ADAM12: variants seen among roughly 807,000 people sequenced by gnomAD.
ADAM12 encodes the protein disintegrin and metalloproteinase domain-containing protein 12.
ADAM12 carries 70 observed loss-of-function variants against 106.4 expected under a neutral mutation model. That is an observed-to-expected ratio of 0.66 (90% CI 0.54 to 0.80). ADAM12 has a LOEUF of 0.80. ADAM12 is among the 30% of genes least tolerant of loss of function. The pLI is 0.00. For missense variants in ADAM12, 1,010 were observed against 1,171.9 expected (o/e 0.86, Z 2.02); for synonymous variants, 420 against 433.5 (o/e 0.97, Z 0.39).
At chr10:126,041,043 C>G (rs1954155256) in intron 18 of ADAM12, among the ~76,000 whole-genome samples, 1 of 152,166 alleles carries the variant, frequency 6.6e-6, no homozygotes, top group Admixed American at 6.5e-5. Context: ...GTTTCCCTCG[C>G]CCCCTTCAGA....
intron 18 of ADAM12, chr10:126,041,560 C>T: frequency 1.0e-6 from 1 of 985,966 alleles, no homozygotes; most frequent in Non-Finnish European, 1.2e-6. Flanking sequence ...CTACCTTCTT[C>T]TCCAGTTTGT....
chr10:126,288,006 G>A (rs368777523), intron 2 of ADAM12, among the ~76,000 whole-genome samples: 4 of 151,834 alleles, frequency 2.6e-5, no homozygotes, highest in African/African-American at 9.7e-5. Context: ...GATGCAGGAG[G>A]AACACTAACT....
At chr10:126,261,052 G>A (rs1245790146) in intron 3 of ADAM12, among the ~76,000 whole-genome samples, 5 of 152,062 alleles carry the variant, frequency 3.3e-5, no homozygotes, top group African/African-American at 1.2e-4. Context: ...CATTGTATTA[G>A]GTATTATAAG....
chr10:126,188,222 T>A (rs1957433929), intron 3 of ADAM12, among the ~76,000 whole-genome samples: 1 of 152,066 alleles, frequency 6.6e-6, no homozygotes, highest in Non-Finnish European at 1.5e-5. Context: ...GAGAGCAGAG[T>A]CCAAAGCCTC....
At chr10:126,038,062 C>T (rs1054345112) in intron 20 of ADAM12, among the ~76,000 whole-genome samples, 179 bp downstream of exon 20, 19 of 152,298 alleles carry the variant, frequency 1.2e-4, no homozygotes, top group African/African-American at 4.1e-4. Flanking sequence ...ATGGGGGCAC[C>T]GTGGGGCCTC....
intron 4 of ADAM12, among the ~76,000 whole-genome samples, chr10:126,142,302 G>T (rs915896147): frequency 6.6e-6 from 1 of 152,172 alleles, no homozygotes; most frequent in Non-Finnish European, 1.5e-5. Flanking sequence ...ATTTACCCAC[G>T]TATTTACTGA....
At chr10:126,347,083 T>A (rs1855169397) in intron 1 of ADAM12, among the ~76,000 whole-genome samples, 1 of 152,208 alleles carries the variant, frequency 6.6e-6, no homozygotes, top group Admixed American at 6.5e-5. Flanking sequence ...AGCTGCTTAT[T>A]TTGCTCGTTA....
intron 3 of ADAM12, among the ~76,000 whole-genome samples, chr10:126,166,765 G>T (rs964148961): frequency 1.3e-5 from 2 of 152,128 alleles, no homozygotes; most frequent in African/African-American, 2.4e-5. Context: ...CCAAAGGCAT[G>T]AGCCATCATG....
intron 3 of ADAM12, among the ~76,000 whole-genome samples, chr10:126,236,489 C>T (rs1460565551): frequency 6.6e-6 from 1 of 152,166 alleles, no homozygotes; most frequent in Non-Finnish European, 1.5e-5. Context: ...TCTGGAACTC[C>T]AGATAAATCA....
In ADAM12 at chr10:126,117,766, C is replaced by CGGG. The variant is rs397953053; in HGVS notation, c.603+271_603+272insCCC. ...CTTGTGGGGGTAGAAGTTGGGGGGG[C>CGGG]GTAATTTTGTCATCCTTTGATCCCA... On this transcript the variant is annotated intron_variant, in intron 6 of 22. Transcript: ENST00000448723. 2.5e-5 allele frequency among the ~76,000 whole-genome samples: 3 copies of CGGG among 118,098 alleles called. No individual in the cohort carries two copies. The Admixed American group carries it at 2.8e-4, about 11-fold the overall frequency. The allele number at this position is 118,098 out of a possible 152,430, so 77.5% of individuals were successfully genotyped here. A position where few individuals can be genotyped will look rare whatever the true frequency, so the allele number is the denominator to read the frequency against.
chr10:126,112,658 G>C (rs1408399626), intron 6 of ADAM12, among the ~76,000 whole-genome samples: 1 of 152,210 alleles, frequency 6.6e-6, no homozygotes, highest in African/African-American at 2.4e-5. Flanking sequence ...AAAGCAAGTT[G>C]ACATTGGGGC....
intron 3 of ADAM12, among the ~76,000 whole-genome samples, chr10:126,240,466 C>T (rs1958500515): frequency 6.6e-6 from 1 of 152,196 alleles, no homozygotes; most frequent in Admixed American, 6.5e-5. Context: ...AACGAGTAAA[C>T]ACACGACAAG....
rs949784101 is a variant in ADAM12 at position 126,012,735 on chromosome 10, G to A, written c.*4544C>T. 5 of 152,240 alleles carry A rather than the reference G, an allele frequency of 3.3e-5. No homozygotes were observed. Among genetic ancestry groups the A allele is most frequent in the African/African-American group, 7.2e-5 (3 of 41,464 alleles). The allele number at this position is 152,240 out of a possible 1,614,324, so 9.4% of individuals were successfully genotyped here. Reference sequence around the variant, plus strand: ...GACCTGATGGGAGGGACAGGAGAATGAGTCACTCTGCCACCACTTTTCCTG... The same window carrying A: ...GACCTGATGGGAGGGACAGGAGAATAAGTCACTCTGCCACCACTTTTCCTG... On this transcript the variant is annotated 3_prime_UTR_variant, in exon 23 of 23. Transcript: ENST00000448723.
Position 126,087,748 on chromosome 10 carries a change from C to T in ADAM12, c.1145+6237G>A, listed in dbSNP as rs115848542. Among the ~76,000 whole-genome samples the T allele has an allele frequency of 9.2e-3, 1,405 of 152,344 alleles. 31 individuals carry two copies. The highest frequency in any genetic ancestry group is 0.032 in the African/African-American group (1,315 of 41,572). ...CTGATTTTCAGGAAAGCAAGTTCTA[C>T]AGAGTGTGGACTTTCCCGCTACATT... On this transcript the variant is annotated intron_variant, in intron 11 of 22. Transcript: ENST00000448723.
rs55668916 is a variant in ADAM12 at position 126,348,856 on chromosome 10, T to C, written c.89-18347A>G. On this transcript the variant is annotated intron_variant, in intron 1 of 22. Transcript: ENST00000448723. ...AATGAATAATTCTTTAGGATAAATA[T>C]GTCCCATGCAATACTGAGGATATAA... 1.6e-3 allele frequency among the ~76,000 whole-genome samples: 242 copies of C among 152,314 alleles called. 2 individuals carry two copies. Among genetic ancestry groups the C allele is most frequent in the Middle Eastern group, 3.4e-3 (1 of 294 alleles).
At position 126,039,250 on chromosome 10, in the gene ADAM12, G is replaced by T. The variant is rs745718101; in HGVS notation, c.2240+44C>A. ...GCTTGAGCCACCGCACCCAGCCTCT[G>T]AGCCACCATTTCTAGAACAGATGAC... On this transcript the variant is annotated intron_variant, in intron 19 of 22. Transcript: ENST00000448723. 4 of 1,607,432 alleles carry T rather than the reference G, an allele frequency of 2.5e-6. No homozygotes were observed. The East Asian group carries it at 9.0e-5, about 36-fold the overall frequency.
At chr10:126,203,211 T>C (rs968023811) in intron 3 of ADAM12, among the ~76,000 whole-genome samples, 9 of 152,244 alleles carry the variant, frequency 5.9e-5, no homozygotes, top group African/African-American at 2.2e-4. Context: ...GTACATTTTA[T>C]TTAATCTATA....
chr10:126,298,558 T>C (rs527442350), intron 2 of ADAM12, among the ~76,000 whole-genome samples: 22 of 152,150 alleles, frequency 1.4e-4, no homozygotes, highest in South Asian at 4.2e-4. Context: ...GAAAGGTATA[T>C]GTAATTAGAG....
chr10:126,036,389 G>A, intron 20 of ADAM12, 64 bp from the exon 21 acceptor site: 3 of 1,515,190 alleles, frequency 2.0e-6, no homozygotes, highest in East Asian at 2.6e-5. Context: ...ACTCCTTAAG[G>A]AAAAAGCAGT....
Sources: allele counts gnomAD v4.1 joint callset (sites outside exome capture counted in the v4.1 genomes callset), GRCh38; gene constraint gnomAD v4.1.1; transcripts MANE v1.5; gene names NCBI Gene and HGNC (gene_info 2026-07-23, HGNC 2026-07-21).